Variants in SIGLEC9 observed in about 807,000 individuals in gnomAD.
The protein encoded by SIGLEC9 is sialic acid binding Ig like lectin 9.
Under a neutral mutation model 38.3 loss-of-function variants are expected in SIGLEC9, and 26 were observed. The observed-to-expected ratio is 0.68, with a 90% CI of 0.50 to 0.94. The LOEUF is 0.94. Ranked by LOEUF, SIGLEC9 falls within the 40% of genes least tolerant of loss-of-function variation. The probability of loss-of-function intolerance (pLI) is 0.00; values close to 1 mark genes in which losing one functional copy is unlikely to be tolerated. For missense variants in SIGLEC9, 556 were observed against 585.7 expected, an observed-to-expected ratio of 0.95 and a Z score of 0.52; for synonymous variants, 236 against 248.0, an observed-to-expected ratio of 0.95 and a Z score of 0.45.
rs1316354618 is a variant in SIGLEC9 at position 51,124,931 on chromosome 19, G to A, written c.-44G>A. 30 of 1,566,392 alleles carry A rather than the reference G, an allele frequency of 1.9e-5. No homozygotes were observed. Among genetic ancestry groups the A allele is most frequent in the Non-Finnish European group, 2.4e-5 (28 of 1,156,464 alleles). Reference sequence around the variant, plus strand: ...GCAGTTCCTGAGAGAAGAACCCTGAGGAACAGACGTTCCCTCGCGGCCCTG... The same window carrying A: ...GCAGTTCCTGAGAGAAGAACCCTGAAGAACAGACGTTCCCTCGCGGCCCTG... On this transcript the variant is annotated 5_prime_UTR_variant, in exon 1 of 7. Transcript: ENST00000250360.
chr19:51,124,221 T>A (rs1401074798), upstream of SIGLEC9, among the ~76,000 whole-genome samples: 2 of 152,108 alleles, frequency 1.3e-5, no homozygotes, highest in Non-Finnish European at 2.9e-5. Context: ...TTCCCAGACC[T>A]CCTGCGAGCC....
rs199616534 is a variant in SIGLEC9, at chr19:51,125,075, G to T, written c.101G>T (p.Gly34Val). 164 of 1,613,962 alleles carry T rather than the reference G, an allele frequency of 1.0e-4. No homozygotes were observed. Among genetic ancestry groups the T allele is most frequent in the Non-Finnish European group, 1.4e-4 (160 of 1,179,984 alleles). Reference protein sequence around the residue: ...TMQSSVTVQEGLCVHVPCSFS... With the variant: ...TMQSSVTVQEVLCVHVPCSFS... ...CAGAGTTCCGTGACGGTGCAGGAAG[G>T]CCTGTGTGTCCATGTGCCCTGCTCC... Residue 34 changes from glycine (G) to valine (V), a missense_variant, in exon 1 of 7, where the codon GGC (glycine) becomes GTC (valine). Transcript: ENST00000250360.
chr19:51,121,293 T>A (rs1231142893), upstream of SIGLEC9, among the ~76,000 whole-genome samples: 1 of 152,084 alleles, frequency 6.6e-6, no homozygotes, highest in African/African-American at 2.4e-5. Flanking sequence ...GTAGCTGGGA[T>A]TACAGGCACC....
intron 6 of SIGLEC9, 103 bp downstream of exon 6, chr19:51,128,613 C>A: frequency 2.1e-6 from 2 of 966,616 alleles, no homozygotes; most frequent in South Asian, 1.5e-5. Flanking sequence ...TACCTCCTCT[C>A]TGTTCTTCCT....
chr19:51,124,509 TG>T (rs989931526), upstream of SIGLEC9, among the ~76,000 whole-genome samples: 1 of 151,848 alleles, frequency 6.6e-6, no homozygotes, highest in Admixed American at 6.6e-5. Context: ...CGTGCTTGCT[TG>T]GGGGGGATGA....
upstream of SIGLEC9, among the ~76,000 whole-genome samples, chr19:51,122,155 A>G (rs1011412581): frequency 2.0e-5 from 3 of 152,138 alleles, no homozygotes; most frequent in Non-Finnish European, 4.4e-5. The surrounding 1 kb of genome is among the most constrained non-coding windows in gnomAD (Gnocchi z 4.1). Context: ...GAGCCTTTGC[A>G]CATCCCTCGT....
intron 3 of SIGLEC9, 21 bp downstream of exon 3, chr19:51,126,149 T>TG: frequency 6.2e-7 from 1 of 1,610,510 alleles, no homozygotes; most frequent in Non-Finnish European, 8.5e-7. Flanking sequence ...GCTCCCTCCC[T>TG]GGGGCTGGAG....
upstream of SIGLEC9, among the ~76,000 whole-genome samples, chr19:51,121,648 A>T (rs1219008792): frequency 7.0e-6 from 1 of 142,166 alleles, no homozygotes; most frequent in African/African-American, 2.6e-5. Context: ...GTGCGGTGGC[A>T]GGATCTCGGC....
upstream of SIGLEC9, among the ~76,000 whole-genome samples, chr19:51,123,456 G>A (rs896852061): frequency 3.3e-5 from 5 of 152,222 alleles, no homozygotes; most frequent in East Asian, 9.6e-4. Context: ...GGACAACACT[G>A]TCAGCCATGG....
chr19:51,122,895 G>A (rs10419515), upstream of SIGLEC9: 13,387 of 152,524 alleles, frequency 0.088, 1,983 homozygotes, highest in African/African-American at 0.31. The surrounding 1 kb of genome is among the most constrained non-coding windows in gnomAD (Gnocchi z 4.1). Flanking sequence ...GGGCTGGGAC[G>A]GAGGAGCATT....
intron 2 of SIGLEC9, 100 bp downstream of exon 2, chr19:51,125,975 G>C: frequency 2.5e-6 from 4 of 1,584,484 alleles, no homozygotes; most frequent in Non-Finnish European, 3.5e-6. Flanking sequence ...GTGGGGTCAG[G>C]AGGACACTGG....
Position 51,127,101 on chromosome 19 carries a change from G to T in SIGLEC9, c.820G>T (p.Val274Phe). Residue 274 changes from valine (V) to phenylalanine (F), a missense_variant, in exon 4 of 7, where the codon GTT (valine) becomes TTT (phenylalanine). Physicochemically the swap from Val to Phe is conservative, Grantham distance 50. Coordinates refer to ENST00000250360, the MANE Select transcript of SIGLEC9 (RefSeq NM_014441.3). ...EGQSLRLVCA[V>F]DAVDSNPPAR... The stretch of plus-strand genomic sequence containing the variant: ...CCAGTCTCTGCGCCTGGTCTGTGCA[G>T]TTGATGCAGTTGACAGCAATCCCCC... 1 of 1,614,216 alleles carries T rather than the reference G, an allele frequency of 6.2e-7. No homozygotes were observed. The highest frequency in any genetic ancestry group is 1.7e-5 in the Admixed American group (1 of 60,030).
At chr19:51,131,674 GGGAGGCTGAGGAGGGCAAATCACTTCA>G (rs2092015941), downstream of SIGLEC9, among the ~76,000 whole-genome samples, 4 of 152,042 alleles carry the variant, frequency 2.6e-5, no homozygotes, top group African/African-American at 7.2e-5. Flanking sequence ...CCAACACTTT[GGGAGGCTGAGGAGGGCAAATCACTTCA>G]GGTCAGGGGT....
intron 3 of SIGLEC9, among the ~76,000 whole-genome samples, chr19:51,126,733 G>A (rs967646958): frequency 1.3e-5 from 2 of 152,298 alleles, no homozygotes; most frequent in East Asian, 1.9e-4. Flanking sequence ...TTCATCCTAC[G>A]GCAGGATAGA....
rs1013106377 is a variant in SIGLEC9, at chr19:51,127,237, C to T, written c.956C>T (p.Thr319Ile). Residue 319 changes from threonine to isoleucine, a missense_variant, in exon 4 of 7, where the codon ACC becomes ATC. Thr to Ile is a moderately conservative substitution (Grantham distance 89). Coordinates refer to ENST00000250360, the MANE Select transcript of SIGLEC9 (RefSeq NM_014441.3). The part of the protein sequence containing the change: ...WVHLRDAAEF[T>I]CRAQNPLGSQ... ...CACCTGAGGGATGCAGCTGAATTCA[C>T]CTGCAGAGCTCAGAACCCTCTCGGC... 1.9e-6 allele frequency: 3 copies of T among 1,614,032 alleles called. No individual in the cohort carries two copies. The highest frequency in any genetic ancestry group is 2.7e-5 in the African/African-American group (2 of 74,944).
downstream of SIGLEC9, among the ~76,000 whole-genome samples, chr19:51,130,937 CCTT>C (rs1944743890): frequency 6.6e-6 from 1 of 152,216 alleles, no homozygotes; most frequent in Non-Finnish European, 1.5e-5. Flanking sequence ...TCCTCCTGGG[CCTT>C]CTTCTGTCTC....
At chr19:51,121,084 A>G (rs1641603699), upstream of SIGLEC9, among the ~76,000 whole-genome samples, 1 of 152,070 alleles carries the variant, frequency 6.6e-6, no homozygotes, top group Admixed American at 6.5e-5. Context: ...GGCTCAAGTG[A>G]TCCTCCTGCC....
chr19:51,133,727 A>G (rs1487714102), downstream of SIGLEC9, among the ~76,000 whole-genome samples: 1 of 152,226 alleles, frequency 6.6e-6, no homozygotes, highest in Non-Finnish European at 1.5e-5. Context: ...AGCGGAGACT[A>G]TAATGTTTGT....
rs374304930 is a variant in SIGLEC9 at position 51,124,929 on chromosome 19, G to A, written c.-46G>A. The A allele has an allele frequency of 9.3e-5, 146 of 1,564,940 alleles. No homozygotes were observed. Among genetic ancestry groups the A allele is most frequent in the Non-Finnish European group, 1.0e-4 (118 of 1,155,824 alleles). ...CCGCAGTTCCTGAGAGAAGAACCCT[G>A]AGGAACAGACGTTCCCTCGCGGCCC... On this transcript the variant is annotated 5_prime_UTR_variant, in exon 1 of 7. Transcript: ENST00000250360.
Sources: gnomAD v4.1 joint callset for allele counts (sites outside exome capture counted in the v4.1 genomes callset) on GRCh38, gnomAD v4.1.1 for gene constraint, Gnocchi (gnomAD v3.1) non-coding constraint, MANE v1.5 for transcripts, NCBI Gene and HGNC (gene_info 2026-07-23, HGNC 2026-07-21) for gene names.